The following KCNIP1 variants were observed in gnomAD, a reference collection of about 807,000 sequenced individuals.
The protein encoded by KCNIP1 is potassium voltage-gated channel interacting protein 1.
A neutral mutation model predicts 33.0 loss-of-function variants in KCNIP1; 18 were observed. The observed-to-expected ratio is 0.55, with a 90% CI of 0.38 to 0.81. The LOEUF is 0.81. Among genes scored for constraint, KCNIP1 ranks in the 30% least tolerant of loss-of-function variants. The pLI is 0.00. For missense variants in KCNIP1, 238 were observed against 271.6 expected (o/e 0.88, Z 0.87); for synonymous variants, 93 against 98.3 (o/e 0.95, Z 0.32).
chr5:170,645,285 A>T (rs1364392098), intron 1 of KCNIP1, among the ~76,000 whole-genome samples: 2 of 152,220 alleles, frequency 1.3e-5, no homozygotes, highest in African/African-American at 4.8e-5. Context: ...TTAAACATTT[A>T]AAAACCATGC....
chr5:170,650,909 G>A (rs1484365772), intron 1 of KCNIP1, among the ~76,000 whole-genome samples: 1 of 152,200 alleles, frequency 6.6e-6, no homozygotes, highest in African/African-American at 2.4e-5. Context: ...GATAAAACAT[G>A]TGGATCTAAA....
chr5:170,660,097 AC>A, intron 1 of KCNIP1, among the ~76,000 whole-genome samples: 1 of 152,210 alleles, frequency 6.6e-6, no homozygotes. Flanking sequence ...ATAGGACATT[AC>A]CAACTTGAAG....
intron 1 of KCNIP1, among the ~76,000 whole-genome samples, chr5:170,437,036 G>T (rs553254977): frequency 1.3e-5 from 2 of 152,328 alleles, no homozygotes; most frequent in South Asian, 4.1e-4. Context: ...ACATCTATGT[G>T]ATTTTTTGCC....
chr5:170,600,298 C>T (rs1050964611), intron 1 of KCNIP1, among the ~76,000 whole-genome samples: 2 of 152,338 alleles, frequency 1.3e-5, no homozygotes, highest in Non-Finnish European at 2.9e-5. Flanking sequence ...CAATGCCACA[C>T]GGAATGACCA....
intron 1 of KCNIP1, among the ~76,000 whole-genome samples, chr5:170,683,889 AGTGTATGTGT>A (rs70979197): frequency 0.11 from 13,721 of 124,584 alleles, 765 homozygotes; most frequent in Middle Eastern, 0.15. Context: ...ATGCCCAGCT[AGTGTATGTGT>A]GTGTGTGTGT....
intron 1 of KCNIP1, among the ~76,000 whole-genome samples, chr5:170,538,653 A>G (rs1756084597): frequency 6.6e-6 from 1 of 151,658 alleles, no homozygotes; most frequent in African/African-American, 2.4e-5. Flanking sequence ...GGGATGCATA[A>G]TGAGACCCAG....
intron 1 of KCNIP1, among the ~76,000 whole-genome samples, chr5:170,664,600 C>T (rs2113755959): frequency 6.6e-6 from 1 of 152,280 alleles, no homozygotes; most frequent in African/African-American, 2.4e-5. Context: ...CATGAGCCAC[C>T]ACTCCCGGCC....
intron 1 of KCNIP1, among the ~76,000 whole-genome samples, chr5:170,530,326 A>T (rs1048340900): frequency 6.6e-6 from 1 of 152,236 alleles, no homozygotes; most frequent in South Asian, 2.1e-4. Context: ...GTCAGGTACT[A>T]TAATAGAGGC....
intron 1 of KCNIP1, among the ~76,000 whole-genome samples, chr5:170,572,524 A>G (rs1757458392): frequency 6.6e-6 from 1 of 152,204 alleles, no homozygotes; most frequent in African/African-American, 2.4e-5. Flanking sequence ...GCAGCGCTTA[A>G]AAGATCAAGG....
At chr5:170,501,417 A>C (rs1197570335), upstream of KCNIP1, among the ~76,000 whole-genome samples, 1 of 152,196 alleles carries the variant, frequency 6.6e-6, no homozygotes, top group Non-Finnish European at 1.5e-5. Flanking sequence ...GATTTGTAGA[A>C]GAAGCCACAG....
intron 1 of KCNIP1, among the ~76,000 whole-genome samples, chr5:170,354,943 T>A (rs1581101846): frequency 6.6e-6 from 1 of 152,132 alleles, no homozygotes; most frequent in African/African-American, 2.4e-5. Context: ...GGCAGAATAT[T>A]CAGGGAAGGA....
intron 1 of KCNIP1, among the ~76,000 whole-genome samples, chr5:170,535,951 T>C (rs1343012437): frequency 6.6e-6 from 1 of 152,210 alleles, no homozygotes; most frequent in Non-Finnish European, 1.5e-5. Context: ...AGTGTGGAGA[T>C]GCAGCTCAGT....
chr5:170,583,028 C>T (rs902338034), intron 1 of KCNIP1, among the ~76,000 whole-genome samples: 5 of 152,174 alleles, frequency 3.3e-5, no homozygotes, highest in African/African-American at 2.4e-5. Flanking sequence ...GTTGCCTACA[C>T]GATAAAAATG....
At chr5:170,639,169 G>A (rs1253350422) in intron 1 of KCNIP1, 2 of 152,200 alleles carry the variant, frequency 1.3e-5, no homozygotes, top group African/African-American at 4.8e-5. Flanking sequence ...CTTCTGCTTA[G>A]ATCATCTTTA....
chr5:170,445,740 C>G lies in KCNIP1; in HGVS notation c.88+91776C>G, dbSNP rs77364877. 7.3e-4 allele frequency among the ~76,000 whole-genome samples: 111 copies of G among 152,330 alleles called. No homozygotes were observed. In the East Asian group the frequency reaches 0.018, roughly 24 times the overall value. ...ATTAACCTCTCCCTTCTCACTATCC[C>G]CCGCTCCCTTTCCATCTGTAGAGAT... On this transcript the variant is annotated intron_variant, in intron 1 of 7. Coordinates refer to the KCNIP1 transcript ENST00000377360.
chr5:170,517,523 A>G (rs1436836118), intron 1 of KCNIP1, among the ~76,000 whole-genome samples: 2 of 152,112 alleles, frequency 1.3e-5, no homozygotes, highest in Non-Finnish European at 2.9e-5. Flanking sequence ...TATTAGTGGT[A>G]ATGGTGATTA....
intron 1 of KCNIP1, among the ~76,000 whole-genome samples, chr5:170,365,173 G>T (rs1763624689): frequency 6.6e-6 from 1 of 152,162 alleles, no homozygotes; most frequent in Non-Finnish European, 1.5e-5. Context: ...GGAGTTGAGA[G>T]GTTGAGCTGG....
intron 7 of KCNIP1, 37 bp downstream of exon 7, chr5:170,733,935 T>C (rs1159440952): frequency 7.0e-6 from 11 of 1,579,694 alleles, no homozygotes; most frequent in Non-Finnish European, 9.6e-6. Context: ...ACTCTACATC[T>C]GGGAAAGGAA....
intron 1 of KCNIP1, among the ~76,000 whole-genome samples, chr5:170,436,249 G>A (rs555785872): frequency 1.3e-5 from 2 of 152,298 alleles, no homozygotes; most frequent in African/African-American, 2.4e-5. Flanking sequence ...TGCAAATTCC[G>A]GCCATTCGAG....
Sources: allele counts gnomAD v4.1 joint callset (sites outside exome capture counted in the v4.1 genomes callset), GRCh38; gene constraint gnomAD v4.1.1; transcripts MANE v1.5; gene names NCBI Gene and HGNC (gene_info 2026-07-23, HGNC 2026-07-21).